ATP11A: variants seen among roughly 807,000 people sequenced by gnomAD.
ATP11A encodes the protein ATPase phospholipid transporting 11A.
Under a neutral mutation model 154.4 loss-of-function variants are expected in ATP11A, and 81 were observed. That is an observed-to-expected ratio of 0.52 (90% CI 0.44 to 0.63). The LOEUF is 0.63. Among genes scored for constraint, ATP11A ranks in the 30% least tolerant of loss-of-function variants. The pLI is 0.00. For missense variants in ATP11A, 1,316 were observed against 1,474.3 expected (o/e 0.89, Z 1.76); for synonymous variants, 623 against 585.9 (o/e 1.06, Z -0.91).
chr13:112,815,157 T>G (rs1021393142), intron 5 of ATP11A, among the ~76,000 whole-genome samples: 2 of 152,220 alleles, frequency 1.3e-5, no homozygotes, highest in African/African-American at 4.8e-5. Flanking sequence ...AGCCCAGATC[T>G]GCAATGGCTT....
In ATP11A at chr13:112,720,905, T is replaced by C. The variant is rs533237795; in HGVS notation, c.39+30450T>C. On this transcript the variant is annotated intron_variant, in intron 1 of 29. Coordinates refer to ENST00000375645, the MANE Select transcript of ATP11A (RefSeq NM_015205.3). ...GGGGCCAGGCGTGTTCAACCTCCCT[T>C]ATGTCGTGGCCGAGAATTCAGTTTT... Among the ~76,000 whole-genome samples, 15 of 152,278 alleles carry C rather than the reference T, an allele frequency of 9.9e-5. No individual in the cohort carries two copies. The East Asian group carries it at 2.9e-3, about 29-fold the overall frequency.
intron 1 of ATP11A, among the ~76,000 whole-genome samples, chr13:112,764,324 T>A (rs1379048924): frequency 6.7e-6 from 1 of 149,508 alleles, no homozygotes; most frequent in Non-Finnish European, 1.5e-5. Flanking sequence ...AGCTTCCTTG[T>A]GTCTGTCACA....
At position 112,792,663 on chromosome 13, in the gene ATP11A, G is replaced by C. The variant is rs567934588; in HGVS notation, c.162+7406G>C. 3.2e-3 allele frequency among the ~76,000 whole-genome samples: 481 copies of C among 152,286 alleles called. 2 individuals are homozygous for C. Among genetic ancestry groups the C allele is most frequent in the African/African-American group, 0.011 (461 of 41,552 alleles). On this transcript the variant is annotated intron_variant, in intron 2 of 29. Transcript: ENST00000375645. Reference sequence around the variant, plus strand: ...GAGTTTGTTTCCTTCTTGGGGGAGAGACTTTGGGCAGTGTCAAAACCTGAA... The same window carrying C: ...GAGTTTGTTTCCTTCTTGGGGGAGACACTTTGGGCAGTGTCAAAACCTGAA...
chr13:112,864,562 CCA>C (rs2080252532), intron 25 of ATP11A, among the ~76,000 whole-genome samples: 2 of 58,062 alleles, frequency 3.4e-5, no homozygotes, highest in Non-Finnish European at 6.3e-5. Flanking sequence ...TCAGTGCGGC[CCA>C]TGCAGCTTCC....
chr13:112,812,571 G>T lies in ATP11A; in HGVS notation c.441+1845G>T, dbSNP rs149649730. 4.9e-4 allele frequency among the ~76,000 whole-genome samples: 74 copies of T among 152,296 alleles called. 1 individual carries two copies. In the East Asian group the frequency reaches 0.014, roughly 28 times the overall value. The stretch of plus-strand genomic sequence containing the variant: ...CCGGACAAGGCCGCAGCCCTTCCCT[G>T]TCCAGTGGGACGGGACCCCAGGAGG... On this transcript the variant is annotated intron_variant, in intron 5 of 29. Coordinates refer to ENST00000375645, the MANE Select transcript of ATP11A (RefSeq NM_015205.3).
chr13:112,735,029 C>CT (rs892963701), intron 1 of ATP11A, among the ~76,000 whole-genome samples: 6 of 152,108 alleles, frequency 3.9e-5, no homozygotes, highest in South Asian at 2.1e-4. Flanking sequence ...TAAAAGAGGA[C>CT]TTTTTTTAAA....
rs1340485876 is a variant in ATP11A, at chr13:112,864,637, T to C, written c.2991+2062T>C. On this transcript the variant is annotated intron_variant, in intron 25 of 29. Coordinates refer to ENST00000375645, the MANE Select transcript of ATP11A (RefSeq NM_015205.3). ...CGGCCCATACAGCTTCCCAGCGGGG[T>C]CCATCACCACATGGGCAGTAATTCA... is the stretch of plus-strand genomic sequence containing the variant. Among the ~76,000 whole-genome samples the C allele has an allele frequency of 3.9e-5, 2 of 51,638 alleles. 1 individual carries two copies. The highest frequency in any genetic ancestry group is 6.1e-4 in the African/African-American group (2 of 3,288). 33.9% of individuals were successfully genotyped at this position (51,638 alleles called of 152,430 possible). A position where few individuals can be genotyped will look rare whatever the true frequency, so the allele number is the denominator to read the frequency against.
At chr13:112,705,539 A>G (rs1887051580) in intron 1 of ATP11A, among the ~76,000 whole-genome samples, 1 of 152,202 alleles carries the variant, frequency 6.6e-6, no homozygotes, top group South Asian at 2.1e-4. Flanking sequence ...AGGAGGCGCC[A>G]GGGACAAAAT....
At position 112,885,549 on chromosome 13, in the gene ATP11A, C is replaced by A. The variant is rs557019562; in HGVS notation, c.*3683C>A. 1 of 152,342 alleles carries A rather than the reference C, an allele frequency of 6.6e-6. No individual in the cohort carries two copies. Among genetic ancestry groups the A allele is most frequent in the East Asian group, 1.9e-4 (1 of 5,160 alleles). The allele number at this position is 152,342 out of a possible 1,614,324, so 9.4% of individuals were successfully genotyped here. A position where few individuals can be genotyped will look rare whatever the true frequency, so the allele number is the denominator to read the frequency against. ...CTACACACATGCACACACGTGTACACCACAAACGAGCTCCCAGACATGTAA... is the reference window on the plus strand; with the variant it reads ...CTACACACATGCACACACGTGTACAACACAAACGAGCTCCCAGACATGTAA... On this transcript the variant is annotated 3_prime_UTR_variant, in exon 30 of 30. Transcript: ENST00000375645.
At chr13:112,782,966 A>C (rs1319902670) in intron 1 of ATP11A, among the ~76,000 whole-genome samples, 1 of 152,220 alleles carries the variant, frequency 6.6e-6, no homozygotes, top group African/African-American at 2.4e-5. Flanking sequence ...TCTCAGCCAA[A>C]CATCTCTGAA....
At chr13:112,824,919 T>C (rs2078893612) in intron 10 of ATP11A, among the ~76,000 whole-genome samples, 1 of 152,252 alleles carries the variant, frequency 6.6e-6, no homozygotes, top group South Asian at 2.1e-4. Flanking sequence ...CTTCCTGAGA[T>C]CTGCTAAGAC....
intron 1 of ATP11A, among the ~76,000 whole-genome samples, chr13:112,769,621 A>G (rs757501733): frequency 2.0e-5 from 3 of 152,212 alleles, no homozygotes; most frequent in African/African-American, 4.8e-5. Flanking sequence ...CTGGTTTTCC[A>G]GGTGAGATGA....
chr13:112,831,568 C>T lies in ATP11A; in HGVS notation c.1395+20C>T, dbSNP rs758975500. The T allele has an allele frequency of 6.2e-7, 1 of 1,608,922 alleles. No individual in the cohort carries two copies. Among genetic ancestry groups the T allele is most frequent in the Non-Finnish European group, 8.5e-7 (1 of 1,175,972 alleles). On this transcript the variant is annotated intron_variant, in intron 13 of 29. Transcript: ENST00000375645. ...GGGAGGGTAGGTGGCAGCCCCCACG[C>T]CGTCCAAGTGTGTGAGTGAGTGGGC...
intron 17 of ATP11A, among the ~76,000 whole-genome samples, chr13:112,849,618 C>T (rs1287716485): frequency 1.3e-5 from 2 of 152,202 alleles, no homozygotes; most frequent in East Asian, 3.8e-4. Context: ...TTCTGCAATT[C>T]GCATTTATGT....
intron 1 of ATP11A, among the ~76,000 whole-genome samples, chr13:112,773,927 C>A (rs1160737737): frequency 6.8e-6 from 1 of 146,474 alleles, no homozygotes; most frequent in African/African-American, 2.5e-5. Context: ...CCTGCCTGTG[C>A]CTCTGCTGCC....
chr13:112,757,783 G>A (rs1443885996), intron 1 of ATP11A, among the ~76,000 whole-genome samples: 4 of 152,212 alleles, frequency 2.6e-5, no homozygotes, highest in Non-Finnish European at 5.9e-5. Flanking sequence ...TACTCAAAAC[G>A]TCTTTCTTCC....
At chr13:112,828,112 T>TC (rs1257373532) in intron 12 of ATP11A, among the ~76,000 whole-genome samples, 2 of 41,342 alleles carry the variant, frequency 4.8e-5, no homozygotes, top group East Asian at 7.8e-4. Flanking sequence ...CAGCGTTGAG[T>TC]GGGGGGAAGC....
At chr13:112,805,185 T>C in intron 3 of ATP11A, 139 bp downstream of exon 3, 1 of 580,076 alleles carries the variant, frequency 1.7e-6, no homozygotes, top group Non-Finnish European at 2.9e-6. Context: ...TTTATTTTCT[T>C]AAGGAAGGGC....
intron 1 of ATP11A, among the ~76,000 whole-genome samples, chr13:112,730,589 A>G (rs1323447470): frequency 6.6e-6 from 1 of 152,230 alleles, no homozygotes; most frequent in African/African-American, 2.4e-5. Context: ...GTGCCTGCGC[A>G]GGTGCGGGAG....
Sources: allele counts gnomAD v4.1 joint callset (sites outside exome capture counted in the v4.1 genomes callset), GRCh38; gene constraint gnomAD v4.1.1; transcripts MANE v1.5; gene names NCBI Gene and HGNC (gene_info 2026-07-23, HGNC 2026-07-21).